The following KDM3B variants were observed in gnomAD, a reference collection of about 807,000 sequenced individuals.
KDM3B encodes the protein lysine-specific demethylase 3B.
In KDM3B, 10 loss-of-function variants were observed where a neutral mutation model predicts 170.0. The ratio of observed to expected loss-of-function variants is 0.06; its 90% CI spans 0.04 to 0.10. KDM3B has a LOEUF of 0.10. Among genes scored for constraint, KDM3B ranks in the 10% least tolerant of loss-of-function variants. KDM3B has a pLI of 1.00. For synonymous variants in KDM3B, 831 were observed against 834.8 expected (o/e 1.00, Z 0.08); for missense variants, 1,394 against 2,195.2 (o/e 0.64, Z 7.29).
chr5:138,379,998 T>C (rs1302961417), intron 5 of KDM3B, among the ~76,000 whole-genome samples: 1 of 152,140 alleles, frequency 6.6e-6, no homozygotes, highest in Non-Finnish European at 1.5e-5. Context: ...TATAAATGTA[T>C]GACAGTAGTA....
At chr5:138,354,021 T>C (rs1402815166) in intron 1 of KDM3B, among the ~76,000 whole-genome samples, 1 of 152,100 alleles carries the variant, frequency 6.6e-6, no homozygotes, top group Non-Finnish European at 1.5e-5. Context: ...AGAAAGTAAA[T>C]TTTCTTGATG....
chr5:138,387,833 G>C lies in KDM3B; in HGVS notation c.1380+1212G>C, dbSNP rs552633143. Among the ~76,000 whole-genome samples, 13 of 152,280 alleles carry C rather than the reference G, an allele frequency of 8.5e-5. No individual in the cohort carries two copies. In the East Asian group the frequency reaches 2.3e-3, roughly 27 times the overall value. On this transcript the variant is annotated intron_variant, in intron 7 of 23. Transcript: ENST00000314358. Reference sequence around the variant, plus strand: ...ACAGTAGCTCACACCTGTAATCCCAGCACTTTGGGAGGCCAAGGCGGGCGG... The same window carrying C: ...ACAGTAGCTCACACCTGTAATCCCACCACTTTGGGAGGCCAAGGCGGGCGG...
intron 23 of KDM3B, among the ~76,000 whole-genome samples, chr5:138,431,893 C>G (rs182765976): frequency 6.7e-6 from 1 of 148,558 alleles, no homozygotes; most frequent in Admixed American, 6.7e-5. Flanking sequence ...GCCTGGGCAA[C>G]AGAGCAAGAC....
Position 138,391,496 on chromosome 5 carries a change from T to A in KDM3B, c.1864T>A (p.Phe622Ile), listed in dbSNP as rs752747110. 6.2e-7 allele frequency: 1 copy of A among 1,614,002 alleles called. No homozygotes were observed. The highest frequency in any genetic ancestry group is 1.3e-5 in the African/African-American group (1 of 74,918). The change falls in exon 8 of 24, where the codon TTT becomes ATT. Residue 622 changes from phenylalanine (F) to isoleucine (I), a missense_variant. By Grantham distance (21) the Phe-to-Ile change is conservative. This residue lies in a region of KDM3B where 294 missense variants were observed against 311.7 expected (regional missense o/e 0.94). Transcript: ENST00000314358. This position sits in a 1 kb window ranked among gnomAD's most constrained non-coding sequence, Gnocchi z 5.0. ...ARTPENHENL[F>I]LQPPKLSREE... ...TACCCCAGAGAATCATGAAAATCTA[T>A]TTTTACAGCCCCCCAAATTGTCCCG...
At chr5:138,369,781 C>G (rs1200612264) in intron 1 of KDM3B, among the ~76,000 whole-genome samples, 1 of 152,184 alleles carries the variant, frequency 6.6e-6, no homozygotes, top group African/African-American at 2.4e-5. Flanking sequence ...TATCCTGTGA[C>G]ATACTATTGC....
At chr5:138,425,338 C>A (rs1763367644) in intron 16 of KDM3B, 73 bp from the exon 17 acceptor site, 1 of 1,438,716 alleles carries the variant, frequency 7.0e-7, no homozygotes, top group Admixed American at 2.1e-5. Context: ...AGGAAACCCT[C>A]CTATTCTGTC....
chr5:138,421,387 C>G (rs1427460346), intron 15 of KDM3B, among the ~76,000 whole-genome samples: 1 of 152,224 alleles, frequency 6.6e-6, no homozygotes, highest in Non-Finnish European at 1.5e-5. Flanking sequence ...TTGGTGGCAT[C>G]TCTGCCCTTG....
intron 7 of KDM3B, among the ~76,000 whole-genome samples, chr5:138,388,642 A>T (rs6864841): frequency 2.9e-5 from 1 of 34,676 alleles, no homozygotes; most frequent in African/African-American, 8.4e-5. Context: ...CTCCGTCTTT[A>T]AAAAAAAAAA....
In KDM3B at chr5:138,352,983, T is replaced by C; in HGVS notation, c.188T>C (p.Leu63Pro). The change falls in exon 1 of 24, where the codon CTA becomes CCA. Residue 63 changes from leucine (L) to proline (P), a missense_variant. This residue lies in a region of KDM3B where 99 missense variants were observed against 97.5 expected (regional missense o/e 1.02). Transcript: ENST00000314358. ...ATGAGCGGGGCGGTGCCCCAGGACC[T>C]AGCGGTGAGTGGCGGCCGAGTCGGG... The part of the protein sequence containing the change: ...RAMSGAVPQD[L>P]AIFVEFDGCN... 1 of 1,227,000 alleles carries C rather than the reference T, an allele frequency of 8.1e-7. No individual in the cohort carries two copies. The highest frequency in any genetic ancestry group is 1.0e-6 in the Non-Finnish European group (1 of 986,160). 76.0% of individuals were successfully genotyped at this position (1,227,000 alleles called of 1,614,324 possible).
intron 11 of KDM3B, among the ~76,000 whole-genome samples, chr5:138,405,437 T>C (rs1379536630): frequency 6.6e-6 from 1 of 151,890 alleles, no homozygotes; most frequent in African/African-American, 2.4e-5. Context: ...AGCTGAGAGG[T>C]TGAGGCCGCA....
rs1762418204 is a variant in KDM3B, at chr5:138,391,226, C to A, written c.1594C>A (p.Gln532Lys). The change falls in exon 8 of 24, where the codon CAA (glutamine) becomes AAA (lysine). Residue 532 changes from glutamine (Q) to lysine (K), a missense_variant. Physicochemically the swap from Gln to Lys is moderately conservative, Grantham distance 53 (BLOSUM62 1). Around this residue, in one of 19 missense-constraint regions of KDM3B, gnomAD observed 294 missense variants for 311.7 expected, o/e 0.94. Transcript: ENST00000314358. The surrounding 1 kb of genome is among the most constrained non-coding windows in gnomAD (Gnocchi z 5.0). The part of the protein sequence containing the change: ...SKNLFFQCMS[Q>K]TLPTSNYFTT... ...AAACTTGTTTTTTCAATGCATGTCC[C>A]AAACTTTACCTACCAGTAACTACTT... is the stretch of plus-strand genomic sequence containing the variant. 6.2e-7 allele frequency: 1 copy of A among 1,614,068 alleles called. No individual in the cohort carries two copies. The highest frequency in any genetic ancestry group is 2.2e-5 in the East Asian group (1 of 44,886).
At chr5:138,385,944 G>C in intron 6 of KDM3B, 78 bp from the exon 7 acceptor site, 4 of 1,489,740 alleles carry the variant, frequency 2.7e-6, no homozygotes, top group Non-Finnish European at 3.6e-6. Flanking sequence ...TGCTTCTAGA[G>C]ATGGGAAAGA....
intron 23 of KDM3B, among the ~76,000 whole-genome samples, chr5:138,434,954 T>C (rs1051062063): frequency 6.6e-6 from 1 of 152,174 alleles, no homozygotes; most frequent in African/African-American, 2.4e-5. Flanking sequence ...CCATGTACCC[T>C]TCCCCTTTGC....
intron 11 of KDM3B, among the ~76,000 whole-genome samples, chr5:138,412,556 A>G (rs912404371): frequency 7.9e-5 from 12 of 151,886 alleles, no homozygotes; most frequent in African/African-American, 2.9e-4. Flanking sequence ...CAGGAGGCTG[A>G]GGTGGGAGAA....
chr5:138,377,815 A>G lies in KDM3B; in HGVS notation c.570A>G (p.Ile190Met), dbSNP rs760342479. Residue 190 changes from isoleucine (I) to methionine (M), a missense_variant, in exon 4 of 24, where the codon ATA (isoleucine) becomes ATG (methionine). Around this residue, in one of 19 missense-constraint regions of KDM3B, gnomAD observed 166 missense variants for 216.4 expected, o/e 0.77. Coordinates refer to ENST00000314358, the MANE Select transcript of KDM3B (RefSeq NM_016604.4). ...ALISDQKLQE[I>M]FSRGPYSVQG... ...TCAGTGACCAAAAGCTACAAGAGATATTCAGCCGAGGTAAGAACGGATAGT... is the reference window on the plus strand; with the variant it reads ...TCAGTGACCAAAAGCTACAAGAGATGTTCAGCCGAGGTAAGAACGGATAGT... 2 of 1,612,216 alleles carry G rather than the reference A, an allele frequency of 1.2e-6. No homozygotes were observed.
chr5:138,406,843 C>G (rs1437079387), intron 11 of KDM3B, among the ~76,000 whole-genome samples: 1 of 151,816 alleles, frequency 6.6e-6, no homozygotes, highest in Non-Finnish European at 1.5e-5. Context: ...TCACTTGAAT[C>G]CAGGAGTTTG....
intron 11 of KDM3B, among the ~76,000 whole-genome samples, chr5:138,409,809 C>T (rs770649205): frequency 2.0e-4 from 31 of 152,156 alleles, no homozygotes; most frequent in Admixed American, 2.0e-4. Context: ...ATAGGCCGAG[C>T]GCCGTGGCTA....
rs769112008 is a variant in KDM3B at position 138,419,242 on chromosome 5, A to G, written c.3715+10A>G. Reference sequence around the variant, plus strand: ...AAAGAAGAAACAAAAGGTGAGATGCACACAAACCTCTGCTCTGCCTATGGT... The same window carrying G: ...AAAGAAGAAACAAAAGGTGAGATGCGCACAAACCTCTGCTCTGCCTATGGT... On this transcript the variant is annotated intron_variant, in intron 14 of 23. Coordinates refer to ENST00000314358, the MANE Select transcript of KDM3B (RefSeq NM_016604.4). 1 of 1,611,012 alleles carries G rather than the reference A, an allele frequency of 6.2e-7. No individual in the cohort carries two copies. Among genetic ancestry groups the G allele is most frequent in the South Asian group, 1.1e-5 (1 of 90,966 alleles).
intron 10 of KDM3B, among the ~76,000 whole-genome samples, chr5:138,399,533 A>G (rs1210176470): frequency 1.3e-5 from 2 of 151,872 alleles, no homozygotes; most frequent in East Asian, 3.9e-4. Context: ...GCGAGACCCC[A>G]TCTCAAAAAA....
Sources: gnomAD v4.1 joint callset for allele counts (sites outside exome capture counted in the v4.1 genomes callset) on GRCh38, gnomAD v4.1.1 for gene constraint, gnomAD v4.1.1 regional missense constraint, Gnocchi (gnomAD v3.1) non-coding constraint, MANE v1.5 for transcripts, NCBI Gene and HGNC (gene_info 2026-07-23, HGNC 2026-07-21) for gene names.